CSGALNACT1: variants seen among roughly 807,000 people sequenced by gnomAD.
CSGALNACT1 encodes chondroitin sulfate N-acetylgalactosaminyltransferase 1, also known as beta4GalNAcT-1.
CSGALNACT1 carries 52 observed loss-of-function variants against 51.0 expected under a neutral mutation model. The ratio of observed to expected loss-of-function variants is 1.02; its 90% CI spans 0.82 to 1.29. The LOEUF is 1.29. Ranked by LOEUF, CSGALNACT1 falls within the 50% of genes most tolerant of loss-of-function variation. The pLI is 0.00. For missense variants in CSGALNACT1, 935 were observed against 679.2 expected, an observed-to-expected ratio of 1.38 and a Z score of -4.19; for synonymous variants, 341 against 254.4, an observed-to-expected ratio of 1.34 and a Z score of -3.24.
intron 1 of CSGALNACT1, among the ~76,000 whole-genome samples, chr8:19,625,457 T>C (rs551093491): frequency 6.6e-6 from 1 of 152,226 alleles, no homozygotes; most frequent in South Asian, 2.1e-4. Flanking sequence ...TCCAGGTCTA[T>C]CTGACTCCAA....
At chr8:19,416,040 C>T (rs541443552) in intron 8 of CSGALNACT1, among the ~76,000 whole-genome samples, 2 of 150,998 alleles carry the variant, frequency 1.3e-5, no homozygotes, top group Non-Finnish European at 2.9e-5. Context: ...TTTCCGTCAA[C>T]AACAGGCTGC....
At chr8:19,440,037 G>C (rs911188155) in intron 5 of CSGALNACT1, 106 bp from the exon 5 acceptor site, 2 of 907,706 alleles carry the variant, frequency 2.2e-6, no homozygotes, top group Non-Finnish European at 1.8e-6. Context: ...AAGGAAACTA[G>C]GTAAACTTCC....
At chr8:19,430,345 G>A (rs6997164) in intron 6 of CSGALNACT1, among the ~76,000 whole-genome samples, 1 of 151,876 alleles carries the variant, frequency 6.6e-6, no homozygotes, top group African/African-American at 2.4e-5. Flanking sequence ...CATTTAAGTC[G>A]TTGATCCATT....
chr8:19,507,691 G>A (rs916120666), intron 3 of CSGALNACT1, among the ~76,000 whole-genome samples: 12 of 152,232 alleles, frequency 7.9e-5, no homozygotes, highest in Middle Eastern at 3.4e-3. Flanking sequence ...GCAGTGGCGC[G>A]ATCTCTGCTC....
chr8:19,506,200 C>A, intron 3 of CSGALNACT1, 70 bp from the exon 3 acceptor site: 1 of 457,284 alleles, frequency 2.2e-6, no homozygotes. Context: ...CTACGGCAAT[C>A]AATATCCAAT....
chr8:19,422,590 G>C (rs545184168), intron 6 of CSGALNACT1, among the ~76,000 whole-genome samples: 1 of 152,204 alleles, frequency 6.6e-6, no homozygotes, highest in African/African-American at 2.4e-5. Context: ...CTCTGGGGGG[G>C]TGCCCCCATT....
At chr8:19,414,600 C>T (rs911760635) in intron 8 of CSGALNACT1, among the ~76,000 whole-genome samples, 19 of 151,750 alleles carry the variant, frequency 1.3e-4, no homozygotes, top group Non-Finnish European at 2.9e-5. Flanking sequence ...CACATACACA[C>T]ACACACACAC....
At position 19,621,538 on chromosome 8, in the gene CSGALNACT1, T is replaced by C. The variant is rs148983075; in HGVS notation, c.-543-19673A>G. Among the ~76,000 whole-genome samples the C allele has an allele frequency of 2.2e-3, 337 of 152,278 alleles. 3 individuals are homozygous for C. Among genetic ancestry groups the C allele is most frequent in the African/African-American group, 7.4e-3 (307 of 41,552 alleles). On this transcript the variant is annotated intron_variant, in intron 1 of 9. Coordinates refer to the CSGALNACT1 transcript ENST00000332246. ...GCTGTTATGTGTAATCCAAGCACTT[T>C]GGGAGGCCAAGGCAGGAGGATTGAG... is the stretch of plus-strand genomic sequence containing the variant.
At chr8:19,650,755 T>G (rs1379998309) in intron 1 of CSGALNACT1, among the ~76,000 whole-genome samples, 1 of 152,144 alleles carries the variant, frequency 6.6e-6, no homozygotes, top group East Asian at 1.9e-4. Context: ...TCATTTCTTT[T>G]GTTTGGAATG....
chr8:19,665,019 T>G (rs1393582479), intron 1 of CSGALNACT1, among the ~76,000 whole-genome samples: 2 of 152,182 alleles, frequency 1.3e-5, no homozygotes, highest in Non-Finnish European at 2.9e-5. Flanking sequence ...ACTTGTACTC[T>G]ATTTATTTTT....
chr8:19,452,801 G>C (rs558071585), intron 5 of CSGALNACT1, among the ~76,000 whole-genome samples: 9 of 151,962 alleles, frequency 5.9e-5, no homozygotes, highest in Non-Finnish European at 1.3e-4. Flanking sequence ...CAAGCGAGCC[G>C]GGCAAAACTC....
At chr8:19,486,182 A>C (rs1037350602) in intron 4 of CSGALNACT1, among the ~76,000 whole-genome samples, 1 of 151,562 alleles carries the variant, frequency 6.6e-6, no homozygotes, top group African/African-American at 2.4e-5. Context: ...TGTTTTTCCC[A>C]GGTGTGCCTT....
chr8:19,541,353 C>A (rs1563967319), intron 3 of CSGALNACT1, among the ~76,000 whole-genome samples: 1 of 149,674 alleles, frequency 6.7e-6, no homozygotes, highest in Non-Finnish European at 1.5e-5. Context: ...TGGGTTCATG[C>A]CATTCTCCTG....
intron 2 of CSGALNACT1, among the ~76,000 whole-genome samples, chr8:19,599,172 C>T (rs746391757): frequency 4.0e-5 from 6 of 151,626 alleles, no homozygotes; most frequent in Non-Finnish European, 7.4e-5. Flanking sequence ...GGAGGGGGAG[C>T]ACAGAGAGCT....
chr8:19,550,099 G>A (rs151139933), intron 3 of CSGALNACT1, among the ~76,000 whole-genome samples: 405 of 152,066 alleles, frequency 2.7e-3, no homozygotes, highest in African/African-American at 9.1e-3. Flanking sequence ...TAGCATTTTT[G>A]TGTAGTTGTC....
intron 2 of CSGALNACT1, among the ~76,000 whole-genome samples, chr8:19,600,016 A>T (rs1320301988): frequency 6.6e-6 from 1 of 152,166 alleles, no homozygotes; most frequent in Non-Finnish European, 1.5e-5. Context: ...TGTGTGTTAA[A>T]CATATCCTTC....
intron 1 of CSGALNACT1, among the ~76,000 whole-genome samples, chr8:19,636,229 A>C (rs1019435691): frequency 3.3e-5 from 5 of 152,192 alleles, no homozygotes; most frequent in Non-Finnish European, 5.9e-5. Context: ...CGTAACTTTT[A>C]TTACAGTATA....
In CSGALNACT1 at chr8:19,599,755, A is replaced by C. The variant is rs116419128; in HGVS notation, c.-416+2016T>G. Among the ~76,000 whole-genome samples the C allele has an allele frequency of 9.3e-3, 1,420 of 152,338 alleles. 17 individuals carry two copies. Among genetic ancestry groups the C allele is most frequent in the African/African-American group, 0.032 (1,330 of 41,580 alleles). On this transcript the variant is annotated intron_variant, in intron 2 of 9. Transcript: ENST00000454498. ...GAACCTGGGAAGCCCTTGTTTTCCC[A>C]GAACTGCTCCTTACTTTTATAGACT... is the stretch of plus-strand genomic sequence containing the variant.
chr8:19,608,077 A>G (rs2051650092), intron 1 of CSGALNACT1, among the ~76,000 whole-genome samples: 1 of 152,216 alleles, frequency 6.6e-6, no homozygotes, highest in Non-Finnish European at 1.5e-5. Flanking sequence ...TAGAACAACC[A>G]TGGTTACTTC....
Sources: allele counts gnomAD v4.1 joint callset (sites outside exome capture counted in the v4.1 genomes callset), GRCh38; gene constraint gnomAD v4.1.1; transcripts MANE v1.5; gene names NCBI Gene and HGNC (gene_info 2026-07-23, HGNC 2026-07-21).